ZYG11B: variants seen among roughly 807,000 people sequenced by gnomAD.
ZYG11B encodes the protein zyg-11 family member B, cell cycle regulator.
In ZYG11B, 36 loss-of-function variants were observed where a neutral mutation model predicts 82.4. The ratio of observed to expected loss-of-function variants is 0.44; its 90% confidence interval spans 0.33 to 0.58. The LOEUF (loss-of-function observed/expected upper bound fraction) is 0.58. Among genes scored for constraint, ZYG11B ranks in the 20% least tolerant of loss-of-function variants. ZYG11B has a pLI of 0.02. For synonymous variants in ZYG11B, 303 were observed against 312.8 expected (o/e 0.97, Z 0.33); for missense variants, 552 against 895.6 (o/e 0.62, Z 4.90).
At chr1:52,740,331 C>T (rs1644413415) in intron 1 of ZYG11B, among the ~76,000 whole-genome samples, 1 of 152,150 alleles carries the variant, frequency 6.6e-6, no homozygotes, top group South Asian at 2.1e-4. Context: ...ACTCTACCTC[C>T]TTGCCCTTTA....
chr1:52,792,275 A>G (rs1303026030), intron 6 of ZYG11B, among the ~76,000 whole-genome samples: 1 of 152,208 alleles, frequency 6.6e-6, no homozygotes, highest in African/African-American at 2.4e-5. Flanking sequence ...AGAATTTTTC[A>G]TAGAAGAGGT....
intron 13 of ZYG11B, among the ~76,000 whole-genome samples, chr1:52,819,819 A>G (rs1645267912): frequency 2.0e-5 from 3 of 149,450 alleles, no homozygotes; most frequent in East Asian, 2.0e-4. Flanking sequence ...ATAATAGTGC[A>G]TTTTCATATG....
At chr1:52,776,229 A>AAAAAAAAAAAAAAAAAAAAATATATATAT in intron 3 of ZYG11B, among the ~76,000 whole-genome samples, 4 of 23,534 alleles carry the variant, frequency 1.7e-4, no homozygotes, top group Admixed American at 8.1e-4. Context: ...TAAAAAAAAA[A>AAAAAAAAAAAAAAAAAAAAATATATATAT]ATATATATAT....
At chr1:52,765,897 GT>G (rs1644678940) in intron 2 of ZYG11B, among the ~76,000 whole-genome samples, 1 of 151,868 alleles carries the variant, frequency 6.6e-6, no homozygotes, top group Non-Finnish European at 1.5e-5. Flanking sequence ...TTTGGTTTTG[GT>G]TTTTTTCCCA....
chr1:52,802,891 G>A (rs1337558417), intron 10 of ZYG11B, among the ~76,000 whole-genome samples: 3 of 150,992 alleles, frequency 2.0e-5, no homozygotes, highest in East Asian at 1.9e-4. Context: ...GCGGTGGCAC[G>A]CGCCTGTAGT....
chr1:52,821,321 A>G (rs1056889236), intron 13 of ZYG11B, 118 bp from the exon 14 acceptor site: 6 of 1,005,612 alleles, frequency 6.0e-6, no homozygotes, highest in South Asian at 3.7e-5. Context: ...TTAGTGATCA[A>G]TAACAAAACA....
chr1:52,799,082 A>G (rs1484906596), intron 8 of ZYG11B, among the ~76,000 whole-genome samples: 1 of 152,160 alleles, frequency 6.6e-6, no homozygotes, highest in Non-Finnish European at 1.5e-5. Flanking sequence ...TGTAATTATA[A>G]TTCACACTGA....
intron 12 of ZYG11B, among the ~76,000 whole-genome samples, chr1:52,815,736 T>C (rs1027085354): frequency 2.0e-5 from 3 of 151,876 alleles, no homozygotes; most frequent in African/African-American, 4.8e-5. Context: ...AGATCGAGAC[T>C]ATCCTGGCTA....
intron 1 of ZYG11B, among the ~76,000 whole-genome samples, chr1:52,739,760 C>A (rs1558116945): frequency 6.6e-6 from 1 of 151,870 alleles, no homozygotes; most frequent in Non-Finnish European, 1.5e-5. Context: ...CGCCCACCCC[C>A]ATGCCTGGCT....
intron 10 of ZYG11B, among the ~76,000 whole-genome samples, chr1:52,812,641 G>T (rs1426190973): frequency 6.6e-6 from 1 of 151,300 alleles, no homozygotes; most frequent in Non-Finnish European, 1.5e-5. Flanking sequence ...CTGACCTCAG[G>T]TGATCTGCCT....
intron 1 of ZYG11B, among the ~76,000 whole-genome samples, chr1:52,755,504 T>G (rs1644568197): frequency 6.6e-6 from 1 of 152,098 alleles, no homozygotes; most frequent in South Asian, 2.1e-4. Flanking sequence ...AGCTTGTCTT[T>G]TTTGTTTGTT....
intron 10 of ZYG11B, among the ~76,000 whole-genome samples, 159 bp from the exon 11 acceptor site, chr1:52,813,377 T>C (rs1427561789): frequency 1.3e-5 from 2 of 152,238 alleles, no homozygotes; most frequent in Non-Finnish European, 2.9e-5. Flanking sequence ...CTTACCTTCA[T>C]TGCAGTCTGT....
intron 12 of ZYG11B, among the ~76,000 whole-genome samples, chr1:52,815,960 A>G (rs1375103672): frequency 2.0e-5 from 3 of 152,152 alleles, no homozygotes; most frequent in Non-Finnish European, 4.4e-5. Flanking sequence ...ATAAATAACA[A>G]AAATTAAGAA....
chr1:52,816,641 A>G lies in ZYG11B; in HGVS notation c.2044+12A>G, dbSNP rs775591319. On this transcript the variant is annotated intron_variant, in intron 13 of 13. Coordinates refer to ENST00000294353, the MANE Select transcript of ZYG11B (RefSeq NM_024646.3). ...CTGCAGCAAGAATCGTATGTACCAA[A>G]AAAAAAGAACTGTGTTTTTTTTCTT... 3.8e-6 allele frequency: 6 copies of G among 1,573,678 alleles called. No homozygotes were observed. The East Asian group carries it at 1.1e-4, about 29-fold the overall frequency.
chr1:52,754,415 CTT>C (rs1644553287), intron 1 of ZYG11B: 1 of 151,886 alleles, frequency 6.6e-6, no homozygotes, highest in African/African-American at 2.4e-5. Flanking sequence ...GAGTTTCCCT[CTT>C]GTCGCCCAGG....
At chr1:52,780,924 C>G (rs1471502541) in intron 4 of ZYG11B, among the ~76,000 whole-genome samples, 3 of 152,070 alleles carry the variant, frequency 2.0e-5, no homozygotes, top group Non-Finnish European at 2.9e-5. Flanking sequence ...AGGTGGGTCA[C>G]TTGGGGCCAG....
chr1:52,790,675 G>A (rs376540361), intron 6 of ZYG11B, among the ~76,000 whole-genome samples: 3 of 125,756 alleles, frequency 2.4e-5, no homozygotes, highest in Non-Finnish European at 4.7e-5. Context: ...CCAAGATCGC[G>A]CCATTGCACT....
chr1:52,815,061 G>A (rs1645212229), intron 12 of ZYG11B, among the ~76,000 whole-genome samples: 1 of 152,184 alleles, frequency 6.6e-6, no homozygotes, highest in Non-Finnish European at 1.5e-5. Context: ...GGGAGGCTGA[G>A]GCATGAGAAT....
chr1:52,779,634 G>T (rs912968392), intron 3 of ZYG11B, among the ~76,000 whole-genome samples: 3 of 152,132 alleles, frequency 2.0e-5, no homozygotes, highest in Non-Finnish European at 4.4e-5. Context: ...GCAGTTACAG[G>T]CATGCACCAC....
Sources: gnomAD v4.1 joint callset for allele counts (sites outside exome capture counted in the v4.1 genomes callset) on GRCh38, gnomAD v4.1.1 for gene constraint, MANE v1.5 for transcripts, NCBI Gene and HGNC (gene_info 2026-07-23, HGNC 2026-07-21) for gene names.